The following RBMS3 variants were observed in gnomAD, a reference collection of about 807,000 sequenced individuals.
RBMS3 encodes RNA binding motif single stranded interacting protein 3.
RBMS3 carries 27 observed loss-of-function variants against 66.8 expected under a neutral mutation model. The ratio of observed to expected loss-of-function variants is 0.40; its 90% CI spans 0.30 to 0.56. RBMS3 has a LOEUF of 0.56. RBMS3 is among the 20% of genes least tolerant of loss of function. RBMS3 has a pLI of 0.40. For missense variants in RBMS3, 513 were observed against 549.5 expected (o/e 0.93, Z 0.66); for synonymous variants, 188 against 183.0 (o/e 1.03, Z -0.22).
chr3:29,931,631 TCAAAA>T lies in RBMS3; in HGVS notation c.940-4432_940-4428del, dbSNP rs10682087. Among the ~76,000 whole-genome samples, 301 of 150,480 alleles carry T rather than the reference TCAAAA, an allele frequency of 2.0e-3. 2 individuals carry two copies. Among genetic ancestry groups the T allele is most frequent in the African/African-American group, 6.0e-3 (245 of 40,972 alleles). On this transcript the variant is annotated intron_variant, in intron 10 of 14. Coordinates refer to ENST00000383767, the MANE Select transcript of RBMS3 (RefSeq NM_001003793.3). The stretch of plus-strand genomic sequence containing the variant: ...GCCTTTCTTAAACCCTGAACCCTCA[TCAAAA>T]CAAAACAAAACAAAACAAAACAGTT...
At chr3:29,679,958 T>G (rs1282307953) in intron 4 of RBMS3, among the ~76,000 whole-genome samples, 1 of 152,092 alleles carries the variant, frequency 6.6e-6, no homozygotes, top group Non-Finnish European at 1.5e-5. Context: ...TGATTTAGAA[T>G]TGGAACATAT....
intron 7 of RBMS3, among the ~76,000 whole-genome samples, chr3:29,880,278 A>G (rs2059705855): frequency 6.6e-6 from 1 of 152,304 alleles, no homozygotes; most frequent in Non-Finnish European, 1.5e-5. Flanking sequence ...TACACAAACA[A>G]TGGAAACCTG....
At chr3:29,928,030 T>C (rs2060986944) in intron 10 of RBMS3, among the ~76,000 whole-genome samples, 1 of 151,862 alleles carries the variant, frequency 6.6e-6, no homozygotes, top group Non-Finnish European at 1.5e-5. Flanking sequence ...GACTTAACAG[T>C]ACCAGTGTCT....
intron 10 of RBMS3, among the ~76,000 whole-genome samples, chr3:29,934,390 C>T (rs764857647): frequency 1.3e-4 from 20 of 151,750 alleles, no homozygotes; most frequent in Non-Finnish European, 2.6e-4. Context: ...AAGAAGAACC[C>T]TTGTTCTTCT....
intron 6 of RBMS3, among the ~76,000 whole-genome samples, chr3:29,862,863 AG>A (rs1381938068): frequency 2.7e-5 from 4 of 147,226 alleles, no homozygotes; most frequent in African/African-American, 7.5e-5. Flanking sequence ...AAAAGAAAAA[AG>A]AAAAAAAAAA....
At chr3:29,818,624 C>T (rs1004636635) in intron 6 of RBMS3, among the ~76,000 whole-genome samples, 4 of 152,044 alleles carry the variant, frequency 2.6e-5, no homozygotes, top group African/African-American at 4.8e-5. Flanking sequence ...ATTTCCTCCA[C>T]GGAGACTGAA....
intron 4 of RBMS3, among the ~76,000 whole-genome samples, chr3:29,721,247 C>G (rs544284612): frequency 6.6e-6 from 1 of 152,156 alleles, no homozygotes; most frequent in Non-Finnish European, 1.5e-5. Context: ...CTCGTTACAT[C>G]CTTGCACACA....
chr3:29,566,733 A>T (rs912334379), intron 3 of RBMS3, among the ~76,000 whole-genome samples: 3 of 151,882 alleles, frequency 2.0e-5, no homozygotes, highest in Non-Finnish European at 4.4e-5. Flanking sequence ...GTAATGACAG[A>T]TGCCTGGTTG....
chr3:29,552,973 G>T (rs1413416315), intron 3 of RBMS3, among the ~76,000 whole-genome samples: 3 of 152,006 alleles, frequency 2.0e-5, no homozygotes, highest in African/African-American at 7.2e-5. Flanking sequence ...TATAACCCTG[G>T]GTAGGTTAAC....
At chr3:29,990,052 CTG>C (rs779173693) in intron 13 of RBMS3, among the ~76,000 whole-genome samples, 2 of 152,012 alleles carry the variant, frequency 1.3e-5, no homozygotes, top group Non-Finnish European at 2.9e-5. Flanking sequence ...TAAATATACT[CTG>C]ATATATTGCC....
intron 1 of RBMS3, among the ~76,000 whole-genome samples, chr3:29,318,961 C>T (rs1001306033): frequency 1.3e-5 from 2 of 151,806 alleles, no homozygotes; most frequent in Non-Finnish European, 2.9e-5. Context: ...AGTGGGATTT[C>T]AGTTAGAGAG....
At chr3:29,541,533 C>A (rs1395070750) in intron 3 of RBMS3, among the ~76,000 whole-genome samples, 1 of 142,308 alleles carries the variant, frequency 7.0e-6, no homozygotes, top group Admixed American at 6.8e-5. Flanking sequence ...ATTTCAGCAC[C>A]TTCACTGCCA....
At chr3:29,297,370 T>C (rs916278424) in intron 1 of RBMS3, among the ~76,000 whole-genome samples, 2 of 151,800 alleles carry the variant, frequency 1.3e-5, no homozygotes, top group Non-Finnish European at 2.9e-5. Flanking sequence ...TTAGTGATAA[T>C]GGTAAGGAGA....
In RBMS3 at chr3:29,801,272, C is replaced by CTTTTTTTTTTTTTTTTTTT. The variant is rs200997680; in HGVS notation, c.637+38296_637+38297insTTTTTTTTTTTTTTTTTTT. Among the ~76,000 whole-genome samples the CTTTTTTTTTTTTTTTTTTT allele has an allele frequency of 1.1e-3, 137 of 129,438 alleles. 3 individuals carry two copies. The highest frequency in any genetic ancestry group is 1.2e-3 in the Non-Finnish European group (76 of 61,786). 84.9% of individuals were successfully genotyped at this position (129,438 alleles called of 152,430 possible). On this transcript the variant is annotated intron_variant, in intron 6 of 14. Transcript: ENST00000383767. ...AACTTGAAGAATCATTGCTTTTTTT[C>CTTTTTTTTTTTTTTTTTTT]TTTTTTTTTTTTTGAGACAAAGTCT...
intron 1 of RBMS3, among the ~76,000 whole-genome samples, chr3:29,298,824 A>G (rs2033470038): frequency 1.3e-5 from 2 of 152,012 alleles, no homozygotes; most frequent in South Asian, 4.1e-4. Context: ...TCCTATAGTT[A>G]CTAATATTTG....
chr3:29,817,641 G>C (rs1170463398), intron 6 of RBMS3, among the ~76,000 whole-genome samples: 1 of 152,004 alleles, frequency 6.6e-6, no homozygotes, highest in African/African-American at 2.4e-5. Context: ...GAAAATATCA[G>C]AAAAAGGAAA....
At chr3:29,410,237 C>T (rs111244327) in intron 1 of RBMS3, among the ~76,000 whole-genome samples, 1 of 152,304 alleles carries the variant, frequency 6.6e-6, no homozygotes, top group East Asian at 1.9e-4. Flanking sequence ...CAGCCTGTAA[C>T]TTAGAAGGAA....
intron 3 of RBMS3, among the ~76,000 whole-genome samples, chr3:29,507,655 T>G (rs28561606): frequency 0.081 from 12,291 of 152,172 alleles, 886 homozygotes; most frequent in East Asian, 0.37. Flanking sequence ...AGCATATTTT[T>G]CCATATGTGC....
chr3:29,832,798 A>T (rs2058408521), intron 6 of RBMS3, among the ~76,000 whole-genome samples: 1 of 152,124 alleles, frequency 6.6e-6, no homozygotes, highest in Admixed American at 6.6e-5. Flanking sequence ...CCCATGAACT[A>T]CTTAGGAGGC....
Sources: allele counts gnomAD v4.1 joint callset (sites outside exome capture counted in the v4.1 genomes callset), GRCh38; gene constraint gnomAD v4.1.1; transcripts MANE v1.5; gene names NCBI Gene and HGNC (gene_info 2026-07-23, HGNC 2026-07-21).